SLC6A13: variants seen among roughly 807,000 people sequenced by gnomAD.
SLC6A13 encodes the protein sodium- and chloride-dependent GABA transporter 2.
Under a neutral mutation model 72.9 loss-of-function variants are expected in SLC6A13, and 69 were observed. The observed-to-expected ratio is 0.95, with a 90% confidence interval of 0.78 to 1.16. SLC6A13 has a LOEUF of 1.16. Ranked by LOEUF, SLC6A13 falls within the 50% of genes most tolerant of loss-of-function variation. The probability of loss-of-function intolerance (pLI) is 0.00; values close to 1 mark genes in which losing one functional copy is unlikely to be tolerated. For missense variants in SLC6A13, 735 were observed against 760.5 expected (o/e 0.97, Z 0.39); for synonymous variants, 303 against 303.0 (o/e 1.00, Z 0.00).
Position 242,761 on chromosome 12 carries a change from G to A in SLC6A13, c.338-7C>T. On this transcript the variant is annotated splice_region_variant and splice_polypyrimidine_tract_variant and intron_variant, in intron 3 of 14. Transcript: ENST00000343164. ...TGGGAGGCATAGCCAATGCCTGCGG[G>A]GAAACTGCAGAATTGGGCTAGGAAC... 6.4e-7 allele frequency: 1 copy of A among 1,573,036 alleles called. No homozygotes were observed.
intron 11 of SLC6A13, 110 bp from the exon 12 acceptor site, chr12:223,344 G>A: frequency 3.4e-6 from 2 of 586,266 alleles, no homozygotes; most frequent in Non-Finnish European, 6.0e-6. Flanking sequence ...GAGTTGGTGA[G>A]GATCACAGGA....
rs750715730 is a variant in SLC6A13, at chr12:259,834, A to C, written c.202+17T>G. 2.2e-5 allele frequency: 35 copies of C among 1,599,356 alleles called. No individual in the cohort carries two copies. The highest frequency in any genetic ancestry group is 2.8e-5 in the Non-Finnish European group (33 of 1,167,380). On this transcript the variant is annotated intron_variant, in intron 2 of 14. Coordinates refer to ENST00000343164, the MANE Select transcript of SLC6A13 (RefSeq NM_016615.5). ...CTTCCAGGAGTGGGTGGGGTGGCAC[A>C]AGGGCTCTCATCTCACCTCCCCCAT...
chr12:243,534 T>A, intron 3 of SLC6A13, 145 bp downstream of exon 3: 1 of 745,902 alleles, frequency 1.3e-6, no homozygotes, highest in Non-Finnish European at 2.2e-6. Flanking sequence ...ACTAGCTCAG[T>A]ATGCAGCCCA....
At chr12:231,990 G>A (rs488192) in intron 7 of SLC6A13, among the ~76,000 whole-genome samples, 117,543 of 152,148 alleles carry the variant, frequency 0.77, 45,612 homozygotes, top group African/African-American at 0.8. Flanking sequence ...AGTTGCAGAT[G>A]TGAGGATGAA....
At chr12:247,528 G>A (rs557180659) in intron 2 of SLC6A13, among the ~76,000 whole-genome samples, 64 of 152,250 alleles carry the variant, frequency 4.2e-4, no homozygotes, top group African/African-American at 1.4e-3. Context: ...TGAAATAACT[G>A]TTTCTTAAGA....
At chr12:234,923 T>C (rs1025560707) in intron 7 of SLC6A13, among the ~76,000 whole-genome samples, 167 bp downstream of exon 7, 7 of 152,232 alleles carry the variant, frequency 4.6e-5, no homozygotes, top group African/African-American at 1.7e-4. Context: ...TTGAGACCCC[T>C]TTCCGGCAAC....
At chr12:235,885 T>C (rs1941912786) in intron 6 of SLC6A13, among the ~76,000 whole-genome samples, 1 of 152,156 alleles carries the variant, frequency 6.6e-6, no homozygotes, top group Non-Finnish European at 1.5e-5. Context: ...TCTGGGAATG[T>C]CTGTCTTATG....
At chr12:221,238 T>C in intron 14 of SLC6A13, 138 bp downstream of exon 14, 1 of 1,277,712 alleles carries the variant, frequency 7.8e-7, no homozygotes, top group African/African-American at 1.5e-5. Flanking sequence ...CAGCAGCCAC[T>C]CTATCGCTCC....
intron 2 of SLC6A13, among the ~76,000 whole-genome samples, chr12:251,971 A>G (rs1428869977): frequency 6.6e-6 from 1 of 152,138 alleles, no homozygotes; most frequent in Non-Finnish European, 1.5e-5. Flanking sequence ...GTGAGATCCC[A>G]TCTCAAAAAA....
chr12:259,662 G>A, intron 2 of SLC6A13, 189 bp downstream of exon 2: 1 of 1,451,298 alleles, frequency 6.9e-7, no homozygotes, highest in Non-Finnish European at 9.0e-7. Flanking sequence ...AATAGAAAGA[G>A]CCCTGGGATA....
intron 1 of SLC6A13, among the ~76,000 whole-genome samples, chr12:260,651 C>T (rs1349798886): frequency 6.6e-6 from 1 of 151,722 alleles, no homozygotes; most frequent in Non-Finnish European, 1.5e-5. Context: ...ATATAATGGA[C>T]TACTATATAT....
At position 224,473 on chromosome 12, in the gene SLC6A13, C is replaced by T. The variant is rs776028747; in HGVS notation, c.1101G>A (p.Val367=). The change falls in exon 10 of 15, where the codon GTG becomes GTA. Residue 367 remains valine, a synonymous_variant. Coordinates refer to ENST00000343164, the MANE Select transcript of SLC6A13 (RefSeq NM_016615.5). ...CCCAGAGAGGAGAGAAGGGCAGCAT[C>T]ACCACAGCCCGCGGGTAAGCGATGA... The part of the protein sequence containing the change: ...LAFIAYPRAV[V]MLPFSPLWAC... The T allele has an allele frequency of 4.3e-6, 7 of 1,614,152 alleles. No homozygotes were observed. The South Asian group carries it at 6.6e-5, about 15-fold the overall frequency.
At chr12:242,787 G>A (rs369373853) in intron 3 of SLC6A13, 33 bp from the exon 4 acceptor site, 48 of 1,553,494 alleles carry the variant, frequency 3.1e-5, no homozygotes, top group African/African-American at 6.8e-5. Context: ...GGCTAGGAAC[G>A]GTGGACAGCG....
chr12:239,391 C>T lies in SLC6A13; in HGVS notation c.479-1381G>A, dbSNP rs767755055. 5.3e-5 allele frequency among the ~76,000 whole-genome samples: 8 copies of T among 152,200 alleles called. 1 individual carries two copies. The highest frequency in any genetic ancestry group is 1.4e-4 in the African/African-American group (6 of 41,450). On this transcript the variant is annotated intron_variant, in intron 4 of 14. Coordinates refer to ENST00000343164, the MANE Select transcript of SLC6A13 (RefSeq NM_016615.5). ...CTGCACACGTGGGGTGTGTTAGATG[C>T]CGTGCCTCCTCAGTTCCTTCTTCCT...
At chr12:222,203 GGCT>G (rs1402758495) in intron 13 of SLC6A13, among the ~76,000 whole-genome samples, 2 of 152,128 alleles carry the variant, frequency 1.3e-5, no homozygotes, top group East Asian at 3.9e-4. Context: ...GCTCTATACC[GGCT>G]GCTATTAGGA....
intron 7 of SLC6A13, among the ~76,000 whole-genome samples, chr12:232,662 A>G (rs1448087542): frequency 6.6e-6 from 1 of 152,222 alleles, no homozygotes; most frequent in East Asian, 1.9e-4. Context: ...CTGCGTGGAC[A>G]TGAGGCAGTA....
chr12:257,134 G>C (rs1053454559), intron 2 of SLC6A13: 2 of 152,168 alleles, frequency 1.3e-5, no homozygotes, highest in African/African-American at 4.8e-5. Flanking sequence ...GTAGGAGTTT[G>C]CTTTGCGTGG....
chr12:229,957 T>A (rs1410963994), intron 7 of SLC6A13, among the ~76,000 whole-genome samples: 2 of 151,788 alleles, frequency 1.3e-5, no homozygotes, highest in African/African-American at 4.8e-5. Context: ...CTAAGGAAAA[T>A]GCGGCAGGAG....
chr12:238,375 T>A, intron 4 of SLC6A13: 1 of 1,300,378 alleles, frequency 7.7e-7, no homozygotes, highest in Non-Finnish European at 1.0e-6. Context: ...AAGTGATGTG[T>A]CAGAGTGGCC....
Sources: gnomAD v4.1 joint callset for allele counts (sites outside exome capture counted in the v4.1 genomes callset) on GRCh38, gnomAD v4.1.1 for gene constraint, MANE v1.5 for transcripts, NCBI Gene and HGNC (gene_info 2026-07-23, HGNC 2026-07-21) for gene names.